Variants in ANKS1A observed in about 807,000 individuals in gnomAD.
ANKS1A encodes the protein ankyrin repeat and SAM domain-containing protein 1A.
ANKS1A carries 55 observed loss-of-function variants against 120.3 expected under a neutral mutation model. The observed-to-expected ratio is 0.46, with a 90% CI of 0.37 to 0.57. The LOEUF (loss-of-function observed/expected upper bound fraction) is 0.57. ANKS1A is among the 20% of genes least tolerant of loss of function. The pLI is 0.00. For missense variants in ANKS1A, 1,123 were observed against 1,480.3 expected, an observed-to-expected ratio of 0.76 and a Z score of 3.96; for synonymous variants, 590 against 604.7, an observed-to-expected ratio of 0.98 and a Z score of 0.36.
At chr6:35,077,447 G>A (rs548630680) in intron 13 of ANKS1A, among the ~76,000 whole-genome samples, 3 of 152,346 alleles carry the variant, frequency 2.0e-5, no homozygotes, top group Non-Finnish European at 2.9e-5. Context: ...GAGCGTGTGC[G>A]AGAATGGCAT....
At chr6:34,918,467 A>G (rs1715263583) in intron 1 of ANKS1A, among the ~76,000 whole-genome samples, 1 of 152,234 alleles carries the variant, frequency 6.6e-6, no homozygotes, top group Admixed American at 6.5e-5. Flanking sequence ...TGCTTATTAA[A>G]TGCTAGCTTT....
chr6:34,976,434 C>T (rs531737421), intron 3 of ANKS1A, among the ~76,000 whole-genome samples: 6 of 152,138 alleles, frequency 3.9e-5, no homozygotes, highest in African/African-American at 7.2e-5. Flanking sequence ...ATGAAAATTG[C>T]GCATTTTCCC....
intron 1 of ANKS1A, among the ~76,000 whole-genome samples, chr6:34,929,875 C>T (rs1018698120): frequency 6.9e-6 from 1 of 144,978 alleles, no homozygotes; most frequent in Non-Finnish European, 1.5e-5. Flanking sequence ...GTCTCTTTCT[C>T]TGTGTGTTTG....
At chr6:34,991,866 A>G (rs1772595924) in intron 9 of ANKS1A, among the ~76,000 whole-genome samples, 1 of 144,092 alleles carries the variant, frequency 6.9e-6, no homozygotes, top group Non-Finnish European at 1.5e-5. Context: ...AAAAAAAAAA[A>G]GATTAAGGAG....
At chr6:35,055,924 G>A (rs1349135004) in intron 12 of ANKS1A, among the ~76,000 whole-genome samples, 1 of 152,234 alleles carries the variant, frequency 6.6e-6, no homozygotes, top group Admixed American at 6.5e-5. Flanking sequence ...CTCACACTCT[G>A]TTGTAGCTTG....
chr6:35,074,138 A>G (rs1335118257), intron 13 of ANKS1A, among the ~76,000 whole-genome samples: 10 of 152,400 alleles, frequency 6.6e-5, no homozygotes. Flanking sequence ...GTCAGCCTTC[A>G]GGTGCCCTGA....
At chr6:34,946,761 C>A (rs1463671269) in intron 1 of ANKS1A, among the ~76,000 whole-genome samples, 1 of 152,190 alleles carries the variant, frequency 6.6e-6, no homozygotes, top group Non-Finnish European at 1.5e-5. Flanking sequence ...CCTGCATATG[C>A]ACAAAGGTGT....
intron 11 of ANKS1A, among the ~76,000 whole-genome samples, chr6:35,026,292 T>C (rs924275765): frequency 2.0e-5 from 3 of 152,244 alleles, no homozygotes; most frequent in African/African-American, 7.2e-5. Flanking sequence ...AGAGGTATTT[T>C]ACATAATCAG....
At chr6:34,940,908 C>CA (rs201669851) in intron 1 of ANKS1A, among the ~76,000 whole-genome samples, 13,373 of 127,858 alleles carry the variant, frequency 0.1, 756 homozygotes, top group East Asian at 0.36. Flanking sequence ...AACTCTGTGT[C>CA]AAAAAAAAAA....
intron 3 of ANKS1A, among the ~76,000 whole-genome samples, chr6:34,979,167 T>G (rs1771769371): frequency 6.6e-6 from 1 of 152,142 alleles, no homozygotes; most frequent in Admixed American, 6.5e-5. Context: ...AGTGCTAGGA[T>G]TACAGGCATG....
Position 35,050,436 on chromosome 6 carries a change from G to GGT in ANKS1A, c.2011-3661_2011-3660dup, listed in dbSNP as rs1775912943. Reference sequence around the variant, plus strand: ...ACAGAAAAAGAGGAGAACACTAAATGGTGCCCGTCCATTACACTTAACCTG... The same window carrying GGT: ...ACAGAAAAAGAGGAGAACACTAAATGGTGTGCCCGTCCATTACACTTAACCTG... On this transcript the variant is annotated intron_variant, in intron 11 of 23. Coordinates refer to ENST00000360359, the MANE Select transcript of ANKS1A (RefSeq NM_015245.3). This position sits in a 1 kb window ranked among gnomAD's most constrained non-coding sequence, Gnocchi z 4.3. 6.6e-6 allele frequency among the ~76,000 whole-genome samples: 1 copy of GGT among 152,166 alleles called. No individual in the cohort carries two copies. Among genetic ancestry groups the GGT allele is most frequent in the Non-Finnish European group, 1.5e-5 (1 of 68,038 alleles).
In ANKS1A at chr6:35,067,760, C is replaced by G. The variant is rs564411496; in HGVS notation, c.2184+7507C>G. ...ATACACCAAAATGGTAGAAGTGATCCCAATCTTCCTTTTTTAAGAAAATTA... is the reference window on the plus strand; with the variant it reads ...ATACACCAAAATGGTAGAAGTGATCGCAATCTTCCTTTTTTAAGAAAATTA... On this transcript the variant is annotated intron_variant, in intron 13 of 23. Transcript: ENST00000360359. 1.1e-4 allele frequency among the ~76,000 whole-genome samples: 16 copies of G among 152,180 alleles called. No individual in the cohort carries two copies. The East Asian group carries it at 1.7e-3, about 17-fold the overall frequency.
At chr6:35,095,649 TAAAAA>T (rs60295651), downstream of ANKS1A, among the ~76,000 whole-genome samples, 1 of 128,632 alleles carries the variant, frequency 7.8e-6, no homozygotes, top group Admixed American at 7.8e-5. Context: ...ACTTTTGTGT[TAAAAA>T]AAAAAAAAAA....
At chr6:34,899,340 C>A (rs1345021906) in intron 1 of ANKS1A, among the ~76,000 whole-genome samples, 1 of 152,030 alleles carries the variant, frequency 6.6e-6, no homozygotes, top group African/African-American at 2.4e-5. Flanking sequence ...ATGCTCCAAG[C>A]AGAATAAAAT....
intron 13 of ANKS1A, chr6:35,070,860 T>G (rs1777051250): frequency 1.6e-6 from 1 of 616,312 alleles, no homozygotes; most frequent in African/African-American, 1.8e-5. Context: ...GCCAAAGATT[T>G]ATTTCTTCAT....
chr6:34,921,089 G>A (rs1283486448), intron 1 of ANKS1A, among the ~76,000 whole-genome samples: 2 of 152,164 alleles, frequency 1.3e-5, no homozygotes. Flanking sequence ...GAACTTTGAG[G>A]AGAAGAGAGC....
intron 1 of ANKS1A, among the ~76,000 whole-genome samples, chr6:34,965,124 A>G (rs1240884292): frequency 6.6e-6 from 1 of 152,170 alleles, no homozygotes; most frequent in Admixed American, 6.5e-5. Flanking sequence ...GGAACTTTAG[A>G]CAGGAGGTAG....
At position 35,017,855 on chromosome 6, in the gene ANKS1A, G is replaced by A. The variant is rs149766099; in HGVS notation, c.1806G>A (p.Gly602=). The part of the protein sequence containing the change: ...PGGAEEGDRS[G]ARSRAPPTSK... ...GTGCTGAGGAAGGAGACCGGAGTGG[G>A]GCCAGGAGCCGAGCGCCTCCCACTA... The change falls in exon 11 of 24, where the codon GGG becomes GGA. Residue 602 remains glycine, a synonymous_variant. Transcript: ENST00000360359. The A allele has an allele frequency of 5.0e-6, 8 of 1,614,038 alleles. No individual in the cohort carries two copies. The highest frequency in any genetic ancestry group is 4.5e-5 in the East Asian group (2 of 44,898).
At chr6:34,941,919 A>G (rs1769556860) in intron 1 of ANKS1A, among the ~76,000 whole-genome samples, 1 of 152,230 alleles carries the variant, frequency 6.6e-6, no homozygotes, top group Admixed American at 6.5e-5. Context: ...ACTGAGATCC[A>G]GCACCTCTAG....
Sources: gnomAD v4.1 joint callset for allele counts (sites outside exome capture counted in the v4.1 genomes callset) on GRCh38, gnomAD v4.1.1 for gene constraint, Gnocchi (gnomAD v3.1) non-coding constraint, MANE v1.5 for transcripts, NCBI Gene and HGNC (gene_info 2026-07-23, HGNC 2026-07-21) for gene names.